TRAM2: variants seen among roughly 807,000 people sequenced by gnomAD.
The protein encoded by TRAM2 is translocation associated membrane protein 2.
TRAM2 carries 12 observed loss-of-function variants against 51.0 expected under a neutral mutation model. That is an observed-to-expected ratio of 0.24 (90% CI 0.15 to 0.38). The LOEUF (loss-of-function observed/expected upper bound fraction) is 0.38, where lower values mean the gene tolerates loss of function less well. TRAM2 is among the 10% of genes least tolerant of loss of function. The probability of loss-of-function intolerance (pLI) is 1.00; values close to 1 mark genes in which losing one functional copy is unlikely to be tolerated. For synonymous variants in TRAM2, 175 were observed against 179.4 expected, an observed-to-expected ratio of 0.98 and a Z score of 0.20; for missense variants, 361 against 462.0, an observed-to-expected ratio of 0.78 and a Z score of 2.00.
In TRAM2 at chr6:52,545,260, G is replaced by C. The variant is rs114073630; in HGVS notation, c.121-9414C>G. Among the ~76,000 whole-genome samples the C allele has an allele frequency of 2.0e-3, 305 of 152,214 alleles. 1 individual carries two copies. The highest frequency in any genetic ancestry group is 7.0e-3 in the African/African-American group (289 of 41,520). On this transcript the variant is annotated intron_variant, in intron 1 of 10. Transcript: ENST00000182527. ...TTGACAGGAGGCATCAGACACCCTC[G>C]GCCATGGCTCAATGTGCAAAACCCC...
chr6:52,524,317 A>T (rs1013617943), intron 2 of TRAM2: 3 of 151,490 alleles, frequency 2.0e-5, no homozygotes, highest in Non-Finnish European at 2.9e-5. Context: ...AGCATATAGT[A>T]TTCCATCTTT....
chr6:52,500,554 T>C lies in TRAM2; in HGVS notation c.*2643A>G, dbSNP rs1766197811. 1 of 136,316 alleles carries C rather than the reference T, an allele frequency of 7.3e-6. No homozygotes were observed. Among genetic ancestry groups the C allele is most frequent in the Non-Finnish European group, 1.6e-5 (1 of 63,274 alleles). The allele number at this position is 136,316 out of a possible 1,614,324, so 8.4% of individuals were successfully genotyped here. ...TTTTTTTTTTTTTTTTTACATAAAA[T>C]AAACCCTTAGCACACCCGTCCACTG... On this transcript the variant is annotated 3_prime_UTR_variant, in exon 11 of 11. Coordinates refer to ENST00000182527, the MANE Select transcript of TRAM2 (RefSeq NM_012288.4).
intron 1 of TRAM2, among the ~76,000 whole-genome samples, chr6:52,537,746 G>A (rs113664186): frequency 1.8e-3 from 280 of 151,816 alleles, no homozygotes; most frequent in African/African-American, 6.7e-3. Context: ...ATTTATCCTC[G>A]CAGCCCCTCT....
At chr6:52,551,910 G>C (rs990007612) in intron 1 of TRAM2, among the ~76,000 whole-genome samples, 1 of 152,234 alleles carries the variant, frequency 6.6e-6, no homozygotes, top group African/African-American at 2.4e-5. Flanking sequence ...TTTAAAAACT[G>C]ACTTCTTTGT....
intron 1 of TRAM2, among the ~76,000 whole-genome samples, chr6:52,561,707 G>T (rs1329914298): frequency 6.6e-6 from 1 of 151,922 alleles, no homozygotes; most frequent in African/African-American, 2.4e-5. Flanking sequence ...AGCCAGGATG[G>T]TCTCATCTCC....
intron 1 of TRAM2, among the ~76,000 whole-genome samples, chr6:52,570,795 A>ACCGC (rs1554267144): frequency 3.1e-5 from 2 of 64,196 alleles, no homozygotes; most frequent in African/African-American, 1.5e-4. Flanking sequence ...CCTGCCCACC[A>ACCGC]CCCCCCCCCC....
chr6:52,538,879 C>A (rs1043603762), intron 1 of TRAM2, among the ~76,000 whole-genome samples: 3 of 152,182 alleles, frequency 2.0e-5, no homozygotes, highest in Admixed American at 2.0e-4. Flanking sequence ...AATTAGTGAA[C>A]ACTGAAACCT....
chr6:52,512,906 A>G (rs1766475962), intron 4 of TRAM2, among the ~76,000 whole-genome samples: 1 of 152,256 alleles, frequency 6.6e-6, no homozygotes, highest in Non-Finnish European at 1.5e-5. Context: ...AAGCACCAGC[A>G]TTAAGGACAT....
intron 2 of TRAM2, among the ~76,000 whole-genome samples, chr6:52,522,030 G>A (rs1166441125): frequency 6.6e-6 from 1 of 152,206 alleles, no homozygotes; most frequent in Non-Finnish European, 1.5e-5. Context: ...TTTCAATACA[G>A]AGGCCCACTG....
chr6:52,555,735 A>T (rs1375527566), intron 1 of TRAM2, among the ~76,000 whole-genome samples: 1 of 152,248 alleles, frequency 6.6e-6, no homozygotes, highest in Non-Finnish European at 1.5e-5. Flanking sequence ...TCTTTAAAAA[A>T]TGCTAACATC....
intron 1 of TRAM2, among the ~76,000 whole-genome samples, chr6:52,541,645 C>T (rs1406885595): frequency 6.6e-6 from 1 of 152,192 alleles, no homozygotes; most frequent in East Asian, 1.9e-4. Flanking sequence ...CTGCCAGCCA[C>T]AGGCACTGGG....
rs1766195910 is a variant in TRAM2 at position 52,500,534 on chromosome 6, T to TTTTG, written c.*2662_*2663insCAAA. The TTTTG allele has an allele frequency of 6.8e-6, 1 of 147,706 alleles. No individual in the cohort carries two copies. Among genetic ancestry groups the TTTTG allele is most frequent in the African/African-American group, 2.5e-5 (1 of 40,592 alleles). 9.1% of individuals were successfully genotyped at this position (147,706 alleles called of 1,614,324 possible). A position where few individuals can be genotyped will look rare whatever the true frequency, so the allele number is the denominator to read the frequency against. ...GGTCTCAGGGTTTTTTTTTGTTTTT[T>TTTTG]TTTTTTTTTTTACATAAAATAAACC... On this transcript the variant is annotated 3_prime_UTR_variant, in exon 11 of 11. Coordinates refer to ENST00000182527, the MANE Select transcript of TRAM2 (RefSeq NM_012288.4).
At position 52,516,744 on chromosome 6, in the gene TRAM2, A is replaced by T. The variant is rs773715994; in HGVS notation, c.185-7T>A. 4 of 1,604,714 alleles carry T rather than the reference A, an allele frequency of 2.5e-6. No homozygotes were observed. The highest frequency in any genetic ancestry group is 3.4e-6 in the Non-Finnish European group (4 of 1,171,482). ...TAGTGCACGGTCTCACTGTCTGTGG[A>T]GGTAATAAAAGTCCCATCAGCATCC... On this transcript the variant is annotated splice_polypyrimidine_tract_variant and splice_region_variant and intron_variant, in intron 2 of 10. Coordinates refer to ENST00000182527, the MANE Select transcript of TRAM2 (RefSeq NM_012288.4).
intron 1 of TRAM2, among the ~76,000 whole-genome samples, chr6:52,563,392 C>T (rs1767532008): frequency 6.6e-6 from 1 of 152,038 alleles, no homozygotes; most frequent in East Asian, 1.9e-4. Context: ...CTTAAATAAA[C>T]CCAACAAGAC....
intron 4 of TRAM2, among the ~76,000 whole-genome samples, chr6:52,514,772 T>C (rs960399347): frequency 6.6e-6 from 1 of 152,192 alleles, no homozygotes; most frequent in African/African-American, 2.4e-5. Flanking sequence ...CAAAGCAGCT[T>C]AGGCCTCCGG....
intron 1 of TRAM2, among the ~76,000 whole-genome samples, chr6:52,548,724 T>C (rs973236107): frequency 5.3e-5 from 8 of 152,186 alleles, no homozygotes; most frequent in African/African-American, 1.9e-4. Flanking sequence ...GTGCCTAAGA[T>C]CTAATGATCA....
chr6:52,499,793 CAAG>C lies in TRAM2; in HGVS notation c.*3401_*3403del, dbSNP rs1766169639. On this transcript the variant is annotated 3_prime_UTR_variant, in exon 11 of 11. Coordinates refer to ENST00000182527, the MANE Select transcript of TRAM2 (RefSeq NM_012288.4). ...AGTTATGCCTTGGGACATGAACAGA[CAAG>C]TTTCTCAGCAACCATTTCGGTCTGG... is the stretch of plus-strand genomic sequence containing the variant. 6.6e-6 allele frequency: 1 copy of C among 152,176 alleles called. No homozygotes were observed. The allele number at this position is 152,176 out of a possible 1,614,324, so 9.4% of individuals were successfully genotyped here.
intron 2 of TRAM2, among the ~76,000 whole-genome samples, chr6:52,522,056 AT>A (rs1461820231): frequency 4.6e-5 from 7 of 152,268 alleles, no homozygotes; most frequent in African/African-American, 1.4e-4. Context: ...AGCAGGTCAT[AT>A]TCTTCACTTC....
chr6:52,507,479 TTA>T (rs1230371518), intron 7 of TRAM2, 72 bp downstream of exon 7: 3 of 1,469,962 alleles, frequency 2.0e-6, no homozygotes, highest in Non-Finnish European at 2.8e-6. Context: ...TGCCTGATAA[TTA>T]TATGAGTGTG....
Sources: gnomAD v4.1 joint callset for allele counts (sites outside exome capture counted in the v4.1 genomes callset) on GRCh38, gnomAD v4.1.1 for gene constraint, MANE v1.5 for transcripts, NCBI Gene and HGNC (gene_info 2026-07-23, HGNC 2026-07-21) for gene names.